The following ATXN10 variants were observed in gnomAD, a reference collection of about 807,000 sequenced individuals.
ATXN10 encodes ataxin 10, also known as ataxin-10.
ATXN10 carries 28 observed loss-of-function variants against 52.9 expected under a neutral mutation model. The ratio of observed to expected loss-of-function variants is 0.53; its 90% CI spans 0.39 to 0.73. The LOEUF (loss-of-function observed/expected upper bound fraction) is 0.73, where lower values mean the gene tolerates loss of function less well. Ranked by LOEUF, ATXN10 falls within the 30% of genes least tolerant of loss-of-function variation. The pLI is 0.00. For missense variants in ATXN10, 565 were observed against 577.0 expected (o/e 0.98, Z 0.21); for synonymous variants, 226 against 221.5 (o/e 1.02, Z -0.18).
At chr22:45,791,909 CT>C (rs1019861344) in intron 9 of ATXN10, among the ~76,000 whole-genome samples, 24 of 152,066 alleles carry the variant, frequency 1.6e-4, no homozygotes, top group Admixed American at 1.4e-3. Context: ...CTATTTGCGT[CT>C]TTGTGTTTGT....
At chr22:45,751,663 C>T (rs942933738) in intron 9 of ATXN10, among the ~76,000 whole-genome samples, 5 of 150,294 alleles carry the variant, frequency 3.3e-5, no homozygotes, top group Non-Finnish European at 7.4e-5. Flanking sequence ...TATATATCTC[C>T]CCAGGCTTCG....
In ATXN10 at chr22:45,681,265, T is replaced by G. The variant is rs910066476; in HGVS notation, c.117-8447T>G. Among the ~76,000 whole-genome samples, 3 of 152,212 alleles carry G rather than the reference T, an allele frequency of 2.0e-5. No homozygotes were observed. The highest frequency in any genetic ancestry group is 7.2e-5 in the African/African-American group (3 of 41,464). ...ATTTCTTTGACTTTCTCTCCCTTAG[T>G]GAGCTTGACCTCCATCCCATCTCAG... On this transcript the variant is annotated intron_variant, in intron 1 of 11. Transcript: ENST00000252934. The surrounding 1 kb of genome is among the most constrained non-coding windows in gnomAD (Gnocchi z 4.2).
At position 45,819,823 on chromosome 22, in the gene ATXN10, C is replaced by T. The variant is rs1372847770; in HGVS notation, c.1237+12801C>T. Among the ~76,000 whole-genome samples, 1 of 152,160 alleles carries T rather than the reference C, an allele frequency of 6.6e-6. No homozygotes were observed. The highest frequency in any genetic ancestry group is 1.9e-4 in the East Asian group (1 of 5,200). ...TTTGGATACGTTGAGAAAGTTAATA[C>T]CTTTTTAAATTGCGAAACTTAAATA... On this transcript the variant is annotated intron_variant, in intron 10 of 11. Transcript: ENST00000252934. The surrounding 1 kb of genome is among the most constrained non-coding windows in gnomAD (Gnocchi z 4.5).
chr22:45,800,225 A>G (rs531936146), intron 9 of ATXN10, among the ~76,000 whole-genome samples: 2 of 152,166 alleles, frequency 1.3e-5, no homozygotes, highest in African/African-American at 4.8e-5. Flanking sequence ...CAATACATAT[A>G]TCCGACACAG....
chr22:45,762,487 G>A lies in ATXN10; in HGVS notation c.1173+21949G>A, dbSNP rs1017573334. On this transcript the variant is annotated intron_variant, in intron 9 of 11. Transcript: ENST00000252934. This position sits in a 1 kb window ranked among gnomAD's most constrained non-coding sequence, Gnocchi z 4.3. ...AGTGTTGGTGGGCTCCACCCTAGCC[G>A]AACCTGTGTCTGCACACCTGTTGTG... Among the ~76,000 whole-genome samples the A allele has an allele frequency of 2.6e-5, 4 of 152,162 alleles. No homozygotes were observed. Among genetic ancestry groups the A allele is most frequent in the African/African-American group, 9.6e-5 (4 of 41,452 alleles).
chr22:45,688,052 C>A lies in ATXN10; in HGVS notation c.117-1660C>A, dbSNP rs976275613. 6.6e-6 allele frequency among the ~76,000 whole-genome samples: 1 copy of A among 152,052 alleles called. No individual in the cohort carries two copies. Among genetic ancestry groups the A allele is most frequent in the African/African-American group, 2.4e-5 (1 of 41,400 alleles). On this transcript the variant is annotated intron_variant, in intron 1 of 11. Transcript: ENST00000252934. This position sits in a 1 kb window ranked among gnomAD's most constrained non-coding sequence, Gnocchi z 4.0. Reference sequence around the variant, plus strand: ...CAGCCTGGGCGACAGAGCAAAACTCCGTCTCAAAAAAAAGAGTGTTAGTGA... The same window carrying A: ...CAGCCTGGGCGACAGAGCAAAACTCAGTCTCAAAAAAAAGAGTGTTAGTGA...
chr22:45,696,186 T>C lies in ATXN10; in HGVS notation c.391+3108T>C, dbSNP rs76544725. 0.014 allele frequency among the ~76,000 whole-genome samples: 2,073 copies of C among 152,350 alleles called. 51 individuals carry two copies. Among genetic ancestry groups the C allele is most frequent in the African/African-American group, 0.047 (1,974 of 41,584 alleles). ...ATATTTAAAGATACTTCTGTAGCTC[T>C]ATTTTATAATAAAAGGGAAGCATCA... On this transcript the variant is annotated intron_variant, in intron 3 of 11. Transcript: ENST00000252934. The surrounding 1 kb of genome is among the most constrained non-coding windows in gnomAD (Gnocchi z 4.7).
chr22:45,724,555 A>T (rs1924793098), intron 6 of ATXN10, among the ~76,000 whole-genome samples: 1 of 152,126 alleles, frequency 6.6e-6, no homozygotes, highest in African/African-American at 2.4e-5. Context: ...TTCCTTGTAG[A>T]TTCTGGATAT....
In ATXN10 at chr22:45,794,228, C is replaced by G. The variant is rs113424517; in HGVS notation, c.1174-12731C>G. ...ATTTGGTCAGGTGTCTGAGCCCTGC[C>G]TCCTACCTCTCCAGGACATGGGCAG... On this transcript the variant is annotated intron_variant, in intron 9 of 11. Transcript: ENST00000252934. Among the ~76,000 whole-genome samples the G allele has an allele frequency of 5.9e-3, 893 of 152,288 alleles. 9 individuals carry two copies. The highest frequency in any genetic ancestry group is 0.021 in the African/African-American group (860 of 41,564).
intron 9 of ATXN10, among the ~76,000 whole-genome samples, chr22:45,761,707 T>C (rs1926397772): frequency 6.6e-6 from 1 of 152,218 alleles, no homozygotes; most frequent in Non-Finnish European, 1.5e-5. Flanking sequence ...GCTTAGTCCT[T>C]GTTAGCAGTT....
In ATXN10 at chr22:45,701,621, T is replaced by C. The variant is rs1166053478; in HGVS notation, c.489-1068T>C. On this transcript the variant is annotated intron_variant, in intron 4 of 11. Coordinates refer to ENST00000252934, the MANE Select transcript of ATXN10 (RefSeq NM_013236.4). The surrounding 1 kb of genome is among the most constrained non-coding windows in gnomAD (Gnocchi z 4.2). Reference sequence around the variant, plus strand: ...ATAGGCATTGCTTATTTTTGAGAATTCATTCCCTTAAAACGTTTTGGATAC... The same window carrying C: ...ATAGGCATTGCTTATTTTTGAGAATCCATTCCCTTAAAACGTTTTGGATAC... Among the ~76,000 whole-genome samples, 1 of 152,234 alleles carries C rather than the reference T, an allele frequency of 6.6e-6. No homozygotes were observed. The highest frequency in any genetic ancestry group is 1.5e-5 in the Non-Finnish European group (1 of 68,040).
chr22:45,717,192 C>T (rs1924481612), intron 5 of ATXN10, among the ~76,000 whole-genome samples: 1 of 152,166 alleles, frequency 6.6e-6, no homozygotes, highest in South Asian at 2.1e-4. Flanking sequence ...TTGCCCCCAG[C>T]CTATTGGTTA....
rs374319341 is a variant in ATXN10 at position 45,697,882 on chromosome 22, G to A, written c.392-2400G>A. ...CCTGACCTTGTGATCCGCCCGCCTC[G>A]GCCTCCCAAAGTGTTGGGATTACAG... On this transcript the variant is annotated intron_variant, in intron 3 of 11. Transcript: ENST00000252934. Among the ~76,000 whole-genome samples the A allele has an allele frequency of 4.6e-5, 7 of 152,166 alleles. No individual in the cohort carries two copies. The East Asian group carries it at 9.7e-4, about 21-fold the overall frequency.
At chr22:45,776,130 G>T (rs779437343) in intron 9 of ATXN10, among the ~76,000 whole-genome samples, 2 of 152,132 alleles carry the variant, frequency 1.3e-5, no homozygotes, top group South Asian at 4.1e-4. Context: ...GTAAGCCTAC[G>T]GTTAACCAGA....
intron 1 of ATXN10, chr22:45,680,059 A>G (rs893120809): frequency 2.0e-5 from 3 of 152,234 alleles, no homozygotes; most frequent in Admixed American, 1.3e-4. Flanking sequence ...ACTGTGGGCA[A>G]TGACACTCAA....
rs1926581494 is a variant in ATXN10 at position 45,766,367 on chromosome 22, A to G, written c.1173+25829A>G. On this transcript the variant is annotated intron_variant, in intron 9 of 11. Transcript: ENST00000252934. The surrounding 1 kb of genome is among the most constrained non-coding windows in gnomAD (Gnocchi z 4.6). Reference sequence around the variant, plus strand: ...GGTTGCAAGCTGTCTATGAGAATCTAATGCCTAATGATCTGAGGTGGAACA... The same window carrying G: ...GGTTGCAAGCTGTCTATGAGAATCTGATGCCTAATGATCTGAGGTGGAACA... 6.6e-6 allele frequency among the ~76,000 whole-genome samples: 1 copy of G among 152,174 alleles called. No individual in the cohort carries two copies. The highest frequency in any genetic ancestry group is 2.4e-5 in the African/African-American group (1 of 41,442).
intron 6 of ATXN10, among the ~76,000 whole-genome samples, chr22:45,724,404 A>G (rs569959678): frequency 2.6e-5 from 4 of 151,908 alleles, no homozygotes; most frequent in African/African-American, 9.7e-5. Context: ...TTTAATTTGC[A>G]TTTCCCTGAT....
chr22:45,791,486 A>T (rs1478368195), intron 9 of ATXN10, among the ~76,000 whole-genome samples: 1 of 152,094 alleles, frequency 6.6e-6, no homozygotes, highest in African/African-American at 2.4e-5. Context: ...GTTTTCTGAT[A>T]ATCAAAAAAA....
intron 10 of ATXN10, among the ~76,000 whole-genome samples, chr22:45,821,601 G>T (rs1485458801): frequency 4.6e-5 from 7 of 152,146 alleles, no homozygotes; most frequent in African/African-American, 1.7e-4. Context: ...TGTTGAAATA[G>T]TCTCTCTCAT....
Sources: allele counts gnomAD v4.1 joint callset (sites outside exome capture counted in the v4.1 genomes callset), GRCh38; gene constraint gnomAD v4.1.1; non-coding constraint Gnocchi (gnomAD v3.1); transcripts MANE v1.5; gene names NCBI Gene and HGNC (gene_info 2026-07-23, HGNC 2026-07-21).